Variants in CNTNAP2 observed in about 807,000 individuals in gnomAD.
CNTNAP2 encodes contactin associated protein 2.
CNTNAP2 carries 98 observed loss-of-function variants against 155.2 expected under a neutral mutation model. The ratio of observed to expected loss-of-function variants is 0.63; its 90% CI spans 0.54 to 0.75. The LOEUF is 0.75. Ranked by LOEUF, CNTNAP2 falls within the 30% of genes least tolerant of loss-of-function variation. CNTNAP2 has a pLI of 0.00. For synonymous variants in CNTNAP2, 651 were observed against 631.2 expected, an observed-to-expected ratio of 1.03 and a Z score of -0.47; for missense variants, 1,727 against 1,688.1, an observed-to-expected ratio of 1.02 and a Z score of -0.40.
chr7:148,309,606 G>A (rs536728347), intron 21 of CNTNAP2, among the ~76,000 whole-genome samples: 2 of 152,262 alleles, frequency 1.3e-5, no homozygotes, highest in Non-Finnish European at 2.9e-5. Flanking sequence ...GCTGGTGGCA[G>A]GAGTGGGGGT....
At chr7:147,516,786 G>A (rs73461142) in intron 11 of CNTNAP2, among the ~76,000 whole-genome samples, 2,030 of 150,076 alleles carry the variant, frequency 0.014, 63 homozygotes, top group African/African-American at 0.047. Context: ...CATATAGCTA[G>A]ATACAACCCA....
intron 1 of CNTNAP2, among the ~76,000 whole-genome samples, chr7:146,342,456 A>G (rs1794746238): frequency 6.6e-6 from 1 of 152,156 alleles, no homozygotes; most frequent in Non-Finnish European, 1.5e-5. Flanking sequence ...TAAACCTAAA[A>G]GTGATTTAGA....
intron 1 of CNTNAP2, among the ~76,000 whole-genome samples, chr7:146,466,049 G>A (rs1023967936): frequency 7.9e-5 from 12 of 152,174 alleles, no homozygotes; most frequent in East Asian, 7.7e-4. Flanking sequence ...GACTGTTTAC[G>A]CTGGGCTACA....
At chr7:146,396,017 C>T (rs1639482) in intron 1 of CNTNAP2, among the ~76,000 whole-genome samples, 77,448 of 151,620 alleles carry the variant, frequency 0.51, 21,914 homozygotes, top group African/African-American at 0.76. Flanking sequence ...TTAACATTCC[C>T]GAATGTTCTT....
At chr7:147,965,836 C>T (rs1269103241) in intron 14 of CNTNAP2, among the ~76,000 whole-genome samples, 1 of 152,088 alleles carries the variant, frequency 6.6e-6, no homozygotes, top group Non-Finnish European at 1.5e-5. Context: ...TTTGGGCCAC[C>T]TCACCCTGAA....
intron 3 of CNTNAP2, among the ~76,000 whole-genome samples, chr7:146,905,821 C>T (rs917114547): frequency 2.6e-5 from 4 of 152,192 alleles, no homozygotes; most frequent in African/African-American, 7.2e-5. Flanking sequence ...GGAACAGCTC[C>T]GGGTCTACAG....
chr7:147,662,505 T>C (rs1182296524), intron 13 of CNTNAP2, among the ~76,000 whole-genome samples: 1 of 152,212 alleles, frequency 6.6e-6, no homozygotes, highest in Non-Finnish European at 1.5e-5. Context: ...TAACTTATAA[T>C]TAGACTAGAA....
intron 21 of CNTNAP2, among the ~76,000 whole-genome samples, chr7:148,330,204 G>GTGGATGGATGGAA (rs71188971): frequency 1.4e-5 from 2 of 141,400 alleles, no homozygotes; most frequent in African/African-American, 2.7e-5. Flanking sequence ...GGTGGATGGA[G>GTGGATGGATGGAA]TGGATGGATG....
rs562395868 is a variant in CNTNAP2 at position 147,464,399 on chromosome 7, G to A, written c.1671-21536G>A. On this transcript the variant is annotated intron_variant, in intron 10 of 23. Coordinates refer to ENST00000361727, the MANE Select transcript of CNTNAP2 (RefSeq NM_014141.6). ...GGAGAATTGCTTGAACCCGGGAGGT[G>A]GAGGTTACAGTGGGCCAAGATCGCG... Among the ~76,000 whole-genome samples the A allele has an allele frequency of 6.6e-5, 10 of 150,794 alleles. No individual in the cohort carries two copies. The East Asian group carries it at 1.4e-3, about 21-fold the overall frequency.
intron 1 of CNTNAP2, among the ~76,000 whole-genome samples, chr7:146,430,780 C>A (rs1022582899): frequency 1.3e-5 from 2 of 151,920 alleles, no homozygotes; most frequent in African/African-American, 4.8e-5. Flanking sequence ...AAATACTCAA[C>A]TGTGTGTATA....
At chr7:147,515,044 T>G (rs1051584866) in intron 11 of CNTNAP2, among the ~76,000 whole-genome samples, 9 of 152,126 alleles carry the variant, frequency 5.9e-5, no homozygotes, top group Non-Finnish European at 1.0e-4. Flanking sequence ...GCCCTTCCCC[T>G]TGTTTGCTCA....
intron 8 of CNTNAP2, among the ~76,000 whole-genome samples, chr7:147,202,566 A>G (rs1802943706): frequency 6.6e-6 from 1 of 152,184 alleles, no homozygotes; most frequent in Non-Finnish European, 1.5e-5. Context: ...CCCAAGAATG[A>G]TAGACTGGAG....
intron 1 of CNTNAP2, among the ~76,000 whole-genome samples, chr7:146,332,408 A>T (rs945699607): frequency 1.3e-5 from 2 of 152,200 alleles, no homozygotes; most frequent in African/African-American, 2.4e-5. Context: ...AACTTAAATT[A>T]AATATAATAG....
chr7:147,626,241 G>A (rs961117519), intron 12 of CNTNAP2, among the ~76,000 whole-genome samples: 2 of 152,046 alleles, frequency 1.3e-5, no homozygotes, highest in Non-Finnish European at 2.9e-5. Context: ...AGATGCAAAG[G>A]AGCAAGGGCC....
chr7:146,467,499 T>C (rs1202162922), intron 1 of CNTNAP2, among the ~76,000 whole-genome samples: 1 of 152,178 alleles, frequency 6.6e-6, no homozygotes, highest in African/African-American at 2.4e-5. Context: ...TTTTCCAGAC[T>C]GTCCATCCAT....
At chr7:147,491,087 C>A (rs934303589) in intron 11 of CNTNAP2, among the ~76,000 whole-genome samples, 1 of 152,082 alleles carries the variant, frequency 6.6e-6, no homozygotes, top group Non-Finnish European at 1.5e-5. Flanking sequence ...GGACACAGAG[C>A]CAAACCATAG....
At chr7:147,360,747 C>T (rs1422259209) in intron 9 of CNTNAP2, among the ~76,000 whole-genome samples, 1 of 152,148 alleles carries the variant, frequency 6.6e-6, no homozygotes, top group African/African-American at 2.4e-5. Context: ...AGTGACTGGA[C>T]ACTCCAGTGA....
At chr7:148,381,486 AT>A (rs1269853270) in intron 21 of CNTNAP2, 1 of 152,196 alleles carries the variant, frequency 6.6e-6, no homozygotes, top group Non-Finnish European at 1.5e-5. Flanking sequence ...CTCTGGCCAG[AT>A]TCTTCTCTGA....
At chr7:147,372,884 T>A (rs1401913149) in intron 9 of CNTNAP2, among the ~76,000 whole-genome samples, 1 of 152,062 alleles carries the variant, frequency 6.6e-6, no homozygotes, top group East Asian at 1.9e-4. Flanking sequence ...CAAAGCTCCC[T>A]GTCTATGGGC....
Sources: gnomAD v4.1 joint callset for allele counts (sites outside exome capture counted in the v4.1 genomes callset) on GRCh38, gnomAD v4.1.1 for gene constraint, MANE v1.5 for transcripts, NCBI Gene and HGNC (gene_info 2026-07-23, HGNC 2026-07-21) for gene names.